The following NCOA7 variants were observed in gnomAD, a reference collection of about 807,000 sequenced individuals.
NCOA7 encodes 140 kDa estrogen receptor-associated protein.
NCOA7 carries 45 observed loss-of-function variants against 104.3 expected under a neutral mutation model. That is an observed-to-expected ratio of 0.43 (90% CI 0.34 to 0.55). The LOEUF (loss-of-function observed/expected upper bound fraction) is 0.55, where lower values mean the gene tolerates loss of function less well. NCOA7 is among the 20% of genes least tolerant of loss of function. NCOA7 has a pLI of 0.02. For missense variants in NCOA7, 1,041 were observed against 1,119.7 expected (o/e 0.93, Z 1.00); for synonymous variants, 398 against 402.3 (o/e 0.99, Z 0.13).
intron 10 of NCOA7, among the ~76,000 whole-genome samples, chr6:125,908,045 G>C (rs1162437126): frequency 6.6e-6 from 1 of 152,118 alleles, no homozygotes; most frequent in African/African-American, 2.4e-5. Flanking sequence ...GCTGGCCATG[G>C]CTGCTGCAAA....
upstream of NCOA7, among the ~76,000 whole-genome samples, chr6:125,788,985 T>G (rs908224104): frequency 1.3e-5 from 2 of 152,118 alleles, no homozygotes; most frequent in Non-Finnish European, 2.9e-5. Context: ...GGCCTCTTGA[T>G]AGTAAAAGGA....
chr6:125,806,541 G>T (rs1225901525), intron 1 of NCOA7, among the ~76,000 whole-genome samples: 1 of 152,146 alleles, frequency 6.6e-6, no homozygotes, highest in East Asian at 1.9e-4. Context: ...CGTGGGGCTT[G>T]ATTTTCCTCT....
chr6:125,896,066 A>G (rs922452447), intron 10 of NCOA7, among the ~76,000 whole-genome samples: 20 of 146,602 alleles, frequency 1.4e-4, no homozygotes, highest in Admixed American at 1.1e-3. Flanking sequence ...TACATAATAC[A>G]TATATATATA....
Position 125,922,699 on chromosome 6 carries a change from T to C in NCOA7, c.2388T>C (p.Pro796=). 6.2e-7 allele frequency: 1 copy of C among 1,613,280 alleles called. No homozygotes were observed. Among genetic ancestry groups the C allele is most frequent in the Middle Eastern group, 1.8e-4 (1 of 5,646 alleles). The change falls in exon 13 of 16, where the codon CCT becomes CCC. Residue 796 remains proline, a synonymous_variant. Coordinates refer to ENST00000392477, the MANE Select transcript of NCOA7 (RefSeq NM_181782.5). ...MHIEQLARRL[P]ARVQGYPWRL... ...CTTTGTAGCTGGCCCGACGCCTTCCTGCAAGGGTGCAAGGGTATCCATGGA... is the reference window on the plus strand; with the variant it reads ...CTTTGTAGCTGGCCCGACGCCTTCCCGCAAGGGTGCAAGGGTATCCATGGA...
intron 3 of NCOA7, among the ~76,000 whole-genome samples, chr6:125,862,448 G>A (rs1782138661): frequency 7.2e-6 from 1 of 137,996 alleles, no homozygotes; most frequent in Admixed American, 6.8e-5. Flanking sequence ...GTTTTTCAAG[G>A]TCAAAGACAA....
In NCOA7 at chr6:125,900,552, C is replaced by A. The variant is rs183575598; in HGVS notation, c.2096+9742C>A. ...AATTATGTATTTTTGAGATGTTCAA[C>A]CTGATGATTTCATGTATGTGTACAT... On this transcript the variant is annotated intron_variant, in intron 10 of 15. Transcript: ENST00000392477. Among the ~76,000 whole-genome samples, 152 of 152,222 alleles carry A rather than the reference C, an allele frequency of 1.0e-3. 1 individual carries two copies. Among genetic ancestry groups the A allele is most frequent in the Admixed American group, 9.3e-3 (142 of 15,284 alleles).
intron 1 of NCOA7, among the ~76,000 whole-genome samples, chr6:125,814,164 T>A (rs1397953114): frequency 6.6e-6 from 1 of 151,514 alleles, no homozygotes; most frequent in Non-Finnish European, 1.5e-5. Context: ...TATTTACTAA[T>A]TTTTTTTTGA....
At chr6:125,827,188 CAAAAAAAAAAAAAAAA>C (rs66522338) in intron 2 of NCOA7, among the ~76,000 whole-genome samples, 2 of 79,044 alleles carry the variant, frequency 2.5e-5, no homozygotes, top group Non-Finnish European at 2.2e-5. Flanking sequence ...AACTCCATCT[CAAAAAAAAAAAAAAAA>C]AAAAAAAAAA....
intron 8 of NCOA7, among the ~76,000 whole-genome samples, chr6:125,886,218 A>G (rs1262824167): frequency 2.6e-5 from 4 of 151,612 alleles, no homozygotes; most frequent in Non-Finnish European, 5.9e-5. Flanking sequence ...GGTTTATGCA[A>G]GTAGATTCCC....
chr6:125,878,693 A>G (rs146157529), intron 5 of NCOA7, among the ~76,000 whole-genome samples: 1 of 152,020 alleles, frequency 6.6e-6, no homozygotes, highest in Non-Finnish European at 1.5e-5. Context: ...CGATATTTTC[A>G]TATTCACAGG....
upstream of NCOA7, among the ~76,000 whole-genome samples, chr6:125,789,833 T>C (rs1309675211): frequency 6.6e-6 from 1 of 152,206 alleles, no homozygotes; most frequent in Non-Finnish European, 1.5e-5. Flanking sequence ...AGTTTATCTG[T>C]GTGGAAGGCC....
intron 4 of NCOA7, chr6:125,875,323 AGAG>A (rs1783270624): frequency 5.5e-6 from 1 of 182,422 alleles, no homozygotes; most frequent in African/African-American, 2.3e-5. Flanking sequence ...CTTCCCCAAT[AGAG>A]GAGGACATTT....
At chr6:125,885,554 A>G (rs1784188384) in intron 8 of NCOA7, among the ~76,000 whole-genome samples, 1 of 152,224 alleles carries the variant, frequency 6.6e-6, no homozygotes, top group Non-Finnish European at 1.5e-5. Context: ...ATTAAAGGAG[A>G]AAAACAAAGA....
rs772754192 is a variant in NCOA7, at chr6:125,882,535, A to G, written c.683A>G (p.Tyr228Cys). 33 of 1,613,006 alleles carry G rather than the reference A, an allele frequency of 2.0e-5. No individual in the cohort carries two copies. Among genetic ancestry groups the G allele is most frequent in the Non-Finnish European group, 2.7e-5 (32 of 1,179,520 alleles). Reference sequence around the variant, plus strand: ...AAATTTTTAAAAATGAATTGTCGATACTTCACCGATGGAAAGGTATATAGC... The same window carrying G: ...AAATTTTTAAAAATGAATTGTCGATGCTTCACCGATGGAAAGGTATATAGC... Reference protein sequence around the residue: ...VVKFLKMNCRYFTDGKGVVGG... With the variant: ...VVKFLKMNCRCFTDGKGVVGG... The change falls in exon 7 of 16, where the codon TAC (tyrosine) becomes TGC (cysteine). Residue 228 changes from tyrosine to cysteine, a missense_variant. This residue lies in a region of NCOA7 where 914 missense variants were observed against 942.7 expected (regional missense o/e 0.97). Transcript: ENST00000392477.
intron 1 of NCOA7, among the ~76,000 whole-genome samples, chr6:125,811,771 C>G (rs957694727): frequency 2.0e-5 from 3 of 152,162 alleles, no homozygotes; most frequent in Non-Finnish European, 4.4e-5. Context: ...GCATGGCTTC[C>G]ACTCCCAATA....
chr6:125,895,967 G>C (rs1007601331), intron 10 of NCOA7, among the ~76,000 whole-genome samples: 8 of 91,472 alleles, frequency 8.7e-5, no homozygotes, highest in African/African-American at 7.4e-4. Flanking sequence ...ATGTATATAT[G>C]TGTGTGTGTG....
intron 3 of NCOA7, among the ~76,000 whole-genome samples, chr6:125,871,695 A>C (rs186034115): frequency 6.6e-6 from 1 of 152,252 alleles, no homozygotes; most frequent in Non-Finnish European, 1.5e-5. Context: ...AGGTTTATTC[A>C]ACTATAAATA....
intron 11 of NCOA7, among the ~76,000 whole-genome samples, chr6:125,919,774 A>G (rs1339099376): frequency 6.6e-6 from 1 of 152,186 alleles, no homozygotes; most frequent in African/African-American, 2.4e-5. Flanking sequence ...AAAATGGTAA[A>G]ATTAGTAAGC....
At position 125,863,059 on chromosome 6, in the gene NCOA7, G is replaced by A. The variant is rs140627242; in HGVS notation, c.271+7819G>A. 9.2e-4 allele frequency among the ~76,000 whole-genome samples: 128 copies of A among 139,102 alleles called. 29 individuals carry two copies. Among genetic ancestry groups the A allele is most frequent in the African/African-American group, 3.1e-3 (103 of 33,726 alleles). The allele number at this position is 139,102 out of a possible 152,430, so 91.3% of individuals were successfully genotyped here. A position where few individuals can be genotyped will look rare whatever the true frequency, so the allele number is the denominator to read the frequency against. Reference sequence around the variant, plus strand: ...AAAAACTAAAAATATTAAAAATATGGTAAACTGTGTTCTGTAGAAAATTGT... The same window carrying A: ...AAAAACTAAAAATATTAAAAATATGATAAACTGTGTTCTGTAGAAAATTGT... On this transcript the variant is annotated intron_variant, in intron 3 of 15. Transcript: ENST00000392477.
Sources: gnomAD v4.1 joint callset for allele counts (sites outside exome capture counted in the v4.1 genomes callset) on GRCh38, gnomAD v4.1.1 for gene constraint, gnomAD v4.1.1 regional missense constraint, MANE v1.5 for transcripts, NCBI Gene and HGNC (gene_info 2026-07-23, HGNC 2026-07-21) for gene names.